Variants in ADRB3 observed in about 807,000 individuals in gnomAD.
ADRB3 encodes adrenoceptor beta 3, also known as beta-3 adrenergic receptor.
In ADRB3, 33 loss-of-function variants were observed where a neutral mutation model predicts 23.8. The observed-to-expected ratio is 1.38, with a 90% CI of 1.05 to 1.85. The LOEUF is 1.85. Ranked by LOEUF, ADRB3 falls within the 40% of genes most tolerant of loss-of-function variation. The probability of loss-of-function intolerance (pLI) is 0.00; values close to 1 mark genes in which losing one functional copy is unlikely to be tolerated. For synonymous variants in ADRB3, 289 were observed against 273.0 expected (o/e 1.06, Z -0.58); for missense variants, 600 against 579.6 (o/e 1.04, Z -0.36).
chr8:37,964,611 G>A (rs1227232053), intron 1 of ADRB3, among the ~76,000 whole-genome samples: 5 of 152,076 alleles, frequency 3.3e-5, no homozygotes, highest in Non-Finnish European at 7.4e-5. Flanking sequence ...ATCGGGGGAG[G>A]GGGGCAAAGA....
rs1234831425 is a variant in ADRB3 at position 37,966,242 on chromosome 8, C to A, written c.228G>T (p.Val76=). 6.2e-7 allele frequency: 1 copy of A among 1,613,638 alleles called. No homozygotes were observed. Among genetic ancestry groups the A allele is most frequent in the South Asian group, 1.1e-5 (1 of 91,064 alleles). ...CCAGGTCGGCTGCGGCCAGCGAAGTCACGAACACGTTGGTCATGGTCTGGA... is the reference window on the plus strand; with the variant it reads ...CCAGGTCGGCTGCGGCCAGCGAAGTAACGAACACGTTGGTCATGGTCTGGA... ...PRLQTMTNVF[V]TSLAAADLVM... The change falls in exon 1 of 2, where the codon GTG becomes GTT. Residue 76 remains valine (V), a synonymous_variant. Transcript: ENST00000345060.
At position 37,966,367 on chromosome 8, in the gene ADRB3, A is replaced by G; in HGVS notation, c.103T>C (p.Trp35Arg). 6.2e-7 allele frequency: 1 copy of G among 1,611,446 alleles called. No individual in the cohort carries two copies. Among genetic ancestry groups the G allele is most frequent in the Non-Finnish European group, 8.5e-7 (1 of 1,179,088 alleles). Reference protein sequence around the residue: ...ANTSGLPGVPWEAALAGALLA... With the variant: ...ANTSGLPGVPREAALAGALLA... Reference sequence around the variant, plus strand: ...AGGGCCCCGGCTAGGGCCGCCTCCCACGGAACCCCTGGCAGCCCACTGGTG... The same window carrying G: ...AGGGCCCCGGCTAGGGCCGCCTCCCGCGGAACCCCTGGCAGCCCACTGGTG... Residue 35 changes from tryptophan (W) to arginine (R), a missense_variant, in exon 1 of 2, where the codon TGG becomes CGG. Trp to Arg is a moderately radical substitution (Grantham distance 101). Transcript: ENST00000345060.
chr8:37,963,994 T>C lies in ADRB3; in HGVS notation c.*224A>G, dbSNP rs201144534. The C allele has an allele frequency of 4.2e-6, 2 of 479,698 alleles. No individual in the cohort carries two copies. Among genetic ancestry groups the C allele is most frequent in the Non-Finnish European group, 7.5e-6 (2 of 266,852 alleles). The allele number at this position is 479,698 out of a possible 1,614,324, so 29.7% of individuals were successfully genotyped here. ...CTGGACACTACCACTGAGGGAGGAGTGAAGTTCAAGGCTGGGGTTTAGAAA... is the reference window on the plus strand; with the variant it reads ...CTGGACACTACCACTGAGGGAGGAGCGAAGTTCAAGGCTGGGGTTTAGAAA... On this transcript the variant is annotated 3_prime_UTR_variant, in exon 2 of 2. Transcript: ENST00000345060.
rs1808251878 is a variant in ADRB3 at position 37,964,079 on chromosome 8, T to C, written c.*139A>G. ...AACCCACTTGGTAAGGATCCCTCCT[T>C]GGGTCACATGGCCCAGTCGTCAGGT... On this transcript the variant is annotated 3_prime_UTR_variant, in exon 2 of 2. Coordinates refer to ENST00000345060, the MANE Select transcript of ADRB3 (RefSeq NM_000025.3). 4.3e-6 allele frequency: 3 copies of C among 700,686 alleles called. No homozygotes were observed. The highest frequency in any genetic ancestry group is 7.5e-6 in the Non-Finnish European group (3 of 402,184). The allele number at this position is 700,686 out of a possible 1,614,324, so 43.4% of individuals were successfully genotyped here.
rs1327401087 is a variant in ADRB3, at chr8:37,966,160, G to A, written c.310C>T (p.Pro104Ser). The change falls in exon 1 of 2, where the codon CCG (proline) becomes TCG (serine). Residue 104 changes from proline to serine, a missense_variant. By Grantham distance (74) the Pro-to-Ser change is moderately conservative (BLOSUM62 -1). Transcript: ENST00000345060. ...AGCTCGCAGCCAGTGGCGCCCAACG[G>A]CCAGTGGCCAGTCAGCGCCAAGGTG... is the stretch of plus-strand genomic sequence containing the variant. The part of the protein sequence containing the change: ...AATLALTGHW[P>S]LGATGCELWT... 6.2e-7 allele frequency: 1 copy of A among 1,609,598 alleles called. No individual in the cohort carries two copies.
Position 37,965,391 on chromosome 8 carries a change from AGAAGACGGCGGAAGGCGCTGC to A in ADRB3, c.1058_1078del (p.Arg353_Leu359del). 1 of 1,548,462 alleles carries A rather than the reference AGAAGACGGCGGAAGGCGCTGC, an allele frequency of 6.5e-7. No individual in the cohort carries two copies. The highest frequency in any genetic ancestry group is 8.7e-7 in the Non-Finnish European group (1 of 1,146,218). On this transcript the variant is annotated inframe_deletion, in exon 1 of 2. Coordinates refer to ENST00000345060, the MANE Select transcript of ADRB3 (RefSeq NM_000025.3). Reference sequence around the variant, plus strand: ...AGGCAGGCGACGGCCGCAGCGGCACAGAAGACGGCGGAAGGCGCTGCGAAAGTCCGGGCTGCGGCAGTAGAT... The same window carrying A: ...AGGCAGGCGACGGCCGCAGCGGCACAGAAAGTCCGGGCTGCGGCAGTAGAT...
Position 37,965,594 on chromosome 8 carries a change from G to A in ADRB3, c.876C>T (p.Cys292=), listed in dbSNP as rs1280202042. 3.9e-6 allele frequency: 6 copies of A among 1,548,568 alleles called. No homozygotes were observed. Among genetic ancestry groups the A allele is most frequent in the Non-Finnish European group, 3.5e-6 (4 of 1,146,304 alleles). The change falls in exon 1 of 2, where the codon TGC becomes TGT. Residue 292 remains cysteine (C), a synonymous_variant. Coordinates refer to ENST00000345060, the MANE Select transcript of ADRB3 (RefSeq NM_000025.3). ...AGGTGCCCATGATGAGACCCAAGGT[G>A]CACAGGGCCCGGTGTTCCCGGAGAG... The part of the protein sequence containing the change: ...LLPLREHRAL[C]TLGLIMGTFT...
chr8:37,964,786 G>T (rs566463809), intron 1 of ADRB3, among the ~76,000 whole-genome samples: 24 of 152,198 alleles, frequency 1.6e-4, no homozygotes, highest in Non-Finnish European at 3.2e-4. Flanking sequence ...TTTAAAAATA[G>T]CTGGGATTGG....
chr8:37,964,977 C>G (rs1200053966), intron 1 of ADRB3: 1 of 388,198 alleles, frequency 2.6e-6, no homozygotes, highest in Non-Finnish European at 4.5e-6. Context: ...GCCGACCAGG[C>G]GAGGCGAGAG....
Position 37,964,237 on chromosome 8 carries a change from G to T in ADRB3, c.1208C>A (p.Ala403Asp). The T allele has an allele frequency of 1.2e-6, 2 of 1,613,220 alleles. No individual in the cohort carries two copies. The highest frequency in any genetic ancestry group is 1.7e-6 in the Non-Finnish European group (2 of 1,179,422). ...QPRLCQRLDG[A>D]SWGVS ...TCAGGCCTAAGAAACTCCCCAAGAA[G>T]CCCTGGGAAAAAAAGTGGAGATAAT... Residue 403 changes from alanine (A) to aspartate (D), a missense_variant and splice_region_variant, in exon 2 of 2, where the codon GCT (alanine) becomes GAT (aspartate). Physicochemically the swap from Ala to Asp is moderately radical, Grantham distance 126 (BLOSUM62 -2). Coordinates refer to ENST00000345060, the MANE Select transcript of ADRB3 (RefSeq NM_000025.3).
intron 1 of ADRB3, 168 bp downstream of exon 1, chr8:37,965,096 GA>G: frequency 1.5e-6 from 1 of 670,768 alleles, no homozygotes; most frequent in Non-Finnish European, 2.3e-6. Flanking sequence ...GATCCGGAAA[GA>G]AAAGGACCCT....
At position 37,965,635 on chromosome 8, in the gene ADRB3, G is replaced by A. The variant is rs931596373; in HGVS notation, c.835C>T (p.Pro279Ser). ...PEGVPACGRR[P>S]ARLLPLREHR... ...TCCCGGAGAGGCAGGAGGCGCGCGG[G>A]CCGCCGGCCGCAGGCGGGCACCCCT... is the stretch of plus-strand genomic sequence containing the variant. Residue 279 changes from proline to serine, a missense_variant, in exon 1 of 2, where the codon CCC becomes TCC. Pro to Ser is a moderately conservative substitution (Grantham distance 74, BLOSUM62 -1). Transcript: ENST00000345060. 7.8e-6 allele frequency: 12 copies of A among 1,532,224 alleles called. No homozygotes were observed. In the African/African-American group the frequency reaches 1.3e-4, roughly 16 times the overall value. The allele number at this position is 1,532,224 out of a possible 1,614,324, so 94.9% of individuals were successfully genotyped here.
Position 37,966,045 on chromosome 8 carries a change from G to T in ADRB3, c.425C>A (p.Pro142Gln). The T allele has an allele frequency of 6.3e-7, 1 of 1,591,848 alleles. No individual in the cohort carries two copies. Among genetic ancestry groups the T allele is most frequent in the Non-Finnish European group, 8.6e-7 (1 of 1,169,248 alleles). Residue 142 changes from proline (P) to glutamine (Q), a missense_variant, in exon 1 of 2, where the codon CCG (proline) becomes CAG (glutamine). Pro to Gln is a moderately conservative substitution (Grantham distance 76). Transcript: ENST00000345060. ...GGTGACCAGTGCGCCGTAACGCAGC[G>T]GGTTGGTCACAGCCAGGTAGCGGTC... ...AVDRYLAVTN[P>Q]LRYGALVTKR...
chr8:37,964,627 G>A (rs1808261447), intron 1 of ADRB3, among the ~76,000 whole-genome samples: 1 of 152,192 alleles, frequency 6.6e-6, no homozygotes, highest in Non-Finnish European at 1.5e-5. Flanking sequence ...AAAGAACTGA[G>A]CTGGAAAACC....
rs201274361 is a variant in ADRB3 at position 37,963,044 on chromosome 8, G to T, written c.*1174C>A. ...GAGGATAATACAGATTTTTGTAGCT[G>T]GGGAAGGTGAGTGGGAAGGTAGAGG... On this transcript the variant is annotated 3_prime_UTR_variant, in exon 2 of 2. Transcript: ENST00000345060. The T allele has an allele frequency of 1.3e-5, 2 of 152,126 alleles. No homozygotes were observed. The highest frequency in any genetic ancestry group is 4.1e-4 in the South Asian group (2 of 4,824). The allele number at this position is 152,126 out of a possible 1,614,324, so 9.4% of individuals were successfully genotyped here.
Position 37,965,430 on chromosome 8 carries a change from C to T in ADRB3, c.1040G>A (p.Cys347Tyr), listed in dbSNP as rs1245606731. The change falls in exon 1 of 2, where the codon TGC (cysteine) becomes TAC (tyrosine). Residue 347 changes from cysteine (C) to tyrosine (Y), a missense_variant. By Grantham distance (194) the Cys-to-Tyr change is radical. Coordinates refer to ENST00000345060, the MANE Select transcript of ADRB3 (RefSeq NM_000025.3). ...GGCGCTGCGAAAGTCCGGGCTGCGG[C>T]AGTAGATGAGCGGGTTGAAGGCAGA... ...ANSAFNPLIY[C>Y]RSPDFRSAFR... The T allele has an allele frequency of 1.9e-6, 3 of 1,550,098 alleles. No homozygotes were observed. The highest frequency in any genetic ancestry group is 2.7e-5 in the African/African-American group (2 of 72,926).
At chr8:37,964,378 C>T in intron 1 of ADRB3, 139 bp from the exon 2 acceptor site, 2 of 696,572 alleles carry the variant, frequency 2.9e-6, no homozygotes, top group Non-Finnish European at 5.0e-6. Flanking sequence ...CCACACACGC[C>T]CCACCCCATC....
In ADRB3 at chr8:37,965,499, G is replaced by A. The variant is rs1331951729; in HGVS notation, c.971C>T (p.Pro324Leu). 4 of 1,551,998 alleles carry A rather than the reference G, an allele frequency of 2.6e-6. No individual in the cohort carries two copies. The highest frequency in any genetic ancestry group is 4.9e-5 in the East Asian group (2 of 41,102). The change falls in exon 1 of 2, where the codon CCG (proline) becomes CTG (leucine). Residue 324 changes from proline to leucine, a missense_variant. Physicochemically the swap from Pro to Leu is moderately conservative, Grantham distance 98 (BLOSUM62 -3). Coordinates refer to ENST00000345060, the MANE Select transcript of ADRB3 (RefSeq NM_000025.3). Reference protein sequence around the residue: ...LRALGGPSLVPGPAFLALNWL... With the variant: ...LRALGGPSLVLGPAFLALNWL... The stretch of plus-strand genomic sequence containing the variant: ...GTTCAGGGCAAGGAAAGCCGGGCCC[G>A]GGACTAGAGAGGGGCCCCCCAGGGC...
chr8:37,963,204 A>G lies in ADRB3; in HGVS notation c.*1014T>C, dbSNP rs34434657. 2 of 152,284 alleles carry G rather than the reference A, an allele frequency of 1.3e-5. No homozygotes were observed. Among genetic ancestry groups the G allele is most frequent in the African/African-American group, 2.4e-5 (1 of 41,390 alleles). The allele number at this position is 152,284 out of a possible 1,614,324, so 9.4% of individuals were successfully genotyped here. On this transcript the variant is annotated 3_prime_UTR_variant, in exon 2 of 2. Coordinates refer to ENST00000345060, the MANE Select transcript of ADRB3 (RefSeq NM_000025.3). ...GCACACACACACACACACACCATGT[A>G]AGGCACCACTGGATTATAGCATGGA...
Sources: gnomAD v4.1 joint callset for allele counts (sites outside exome capture counted in the v4.1 genomes callset) on GRCh38, gnomAD v4.1.1 for gene constraint, MANE v1.5 for transcripts, NCBI Gene and HGNC (gene_info 2026-07-23, HGNC 2026-07-21) for gene names.